The following SLC66A1 variants were observed in gnomAD, a reference collection of about 807,000 sequenced individuals.
SLC66A1 encodes the protein solute carrier family 66 member 1, also known as lysosomal amino acid transporter 1 homolog.
In SLC66A1, 23 loss-of-function variants were observed where a neutral mutation model predicts 33.0. The observed-to-expected ratio is 0.70, with a 90% CI of 0.50 to 0.99. The LOEUF is 0.99. Ranked by LOEUF, SLC66A1 falls within the 50% of genes least tolerant of loss-of-function variation. The pLI is 0.00. For synonymous variants in SLC66A1, 164 were observed against 175.5 expected (o/e 0.93, Z 0.52); for missense variants, 335 against 383.6 (o/e 0.87, Z 1.06).
At chr1:19,332,316 C>T (rs35929013), downstream of SLC66A1, among the ~76,000 whole-genome samples, 32,522 of 152,060 alleles carry the variant, frequency 0.21, 4,064 homozygotes, top group South Asian at 0.33. Flanking sequence ...AGACCAACAA[C>T]ACTGTCTGCC....
At chr1:19,334,283 G>A (rs1044404941), downstream of SLC66A1, among the ~76,000 whole-genome samples, 15 of 152,170 alleles carry the variant, frequency 9.9e-5, no homozygotes, top group African/African-American at 3.6e-4. Flanking sequence ...TCTGGTGGAT[G>A]TAACCAACAA....
At chr1:19,325,620 A>C in intron 4 of SLC66A1, 38 bp downstream of exon 4, 25 of 1,075,014 alleles carry the variant, frequency 2.3e-5, no homozygotes, top group African/African-American at 3.7e-5. Context: ...ATGCTCTACC[A>C]GCAGCAGGGG....
chr1:19,325,002 G>A (rs1165597616), intron 3 of SLC66A1, among the ~76,000 whole-genome samples: 3 of 152,218 alleles, frequency 2.0e-5, no homozygotes, highest in African/African-American at 4.8e-5. Context: ...GGAAGGTTTC[G>A]GGGTCTTCCA....
chr1:19,325,375 C>T (rs903869404), intron 3 of SLC66A1, 120 bp from the exon 4 acceptor site: 56 of 676,554 alleles, frequency 8.3e-5, no homozygotes, highest in East Asian at 2.7e-5. Context: ...GAAACAGAAG[C>T]TCAGAGAGGA....
At chr1:19,319,605 G>T (rs377252812) in intron 2 of SLC66A1, among the ~76,000 whole-genome samples, 97 of 111,810 alleles carry the variant, frequency 8.7e-4, no homozygotes, top group South Asian at 2.9e-3. Context: ...GCACATTCAT[G>T]TTTTTTTTTT....
chr1:19,320,411 TC>T (rs1381131375), intron 2 of SLC66A1, among the ~76,000 whole-genome samples: 8 of 131,922 alleles, frequency 6.1e-5, no homozygotes, highest in African/African-American at 2.3e-4. Context: ...TGGTGGCCTG[TC>T]TTTTTTTTTT....
downstream of SLC66A1, among the ~76,000 whole-genome samples, chr1:19,334,131 A>G (rs1165783834): frequency 6.6e-6 from 1 of 152,170 alleles, no homozygotes; most frequent in Non-Finnish European, 1.5e-5. Flanking sequence ...ACGGTTACTA[A>G]GTACTCCACC....
chr1:19,318,805 AAAATT>A (rs2152001531), intron 2 of SLC66A1, among the ~76,000 whole-genome samples: 1 of 152,038 alleles, frequency 6.6e-6, no homozygotes, highest in African/African-American at 2.4e-5. Flanking sequence ...AAAAAAAATT[AAAATT>A]AAAAACAAAA....
chr1:19,317,798 C>G lies in SLC66A1; in HGVS notation c.121C>G (p.Leu41Val), dbSNP rs1307331023. The G allele has an allele frequency of 2.5e-6, 4 of 1,614,158 alleles. No homozygotes were observed. In the Admixed American group the frequency reaches 6.7e-5, roughly 27 times the overall value. ...CGGCTGGGACGAGGCCAGCGTGGGC[C>G]TGGGCTTGATCTCCATTCTCTGCTT... ...QDGWDEASVG[L>V]GLISILCFAA... Residue 41 changes from leucine to valine, a missense_variant, in exon 2 of 8, where the codon CTG becomes GTG. Physicochemically the swap from Leu to Val is conservative, Grantham distance 32. Transcript: ENST00000375153.
rs139194294 is a variant in SLC66A1, at chr1:19,327,268, C to T, written c.660C>T (p.Phe220=). The T allele has an allele frequency of 1.7e-4, 273 of 1,613,780 alleles. No homozygotes were observed. Among genetic ancestry groups the T allele is most frequent in the Non-Finnish European group, 2.1e-4 (243 of 1,179,914 alleles). The change falls in exon 7 of 8, where the codon TTC becomes TTT. Residue 220 remains phenylalanine (F), a synonymous_variant. Transcript: ENST00000375153. ...KSTQGISYSL[F]ALVMLGNTLY... ...CCCAGGGGATCTCCTACTCTCTGTT[C>T]GCGCTGGTGATGCTGGGGAACACGC...
rs759028494 is a variant in SLC66A1 at position 19,326,566 on chromosome 1, C to G, written c.561C>G (p.Ile187Met). The G allele has an allele frequency of 6.2e-7, 1 of 1,614,120 alleles. No individual in the cohort carries two copies. The highest frequency in any genetic ancestry group is 1.7e-5 in the Admixed American group (1 of 60,010). ...FTRQEVIGFV[I>M]GSISSVLYLL... ...GGCAGGAAGTCATTGGCTTCGTCATCGGCTCCATCTCCAGCGTGTTGTACC... is the reference window on the plus strand; with the variant it reads ...GGCAGGAAGTCATTGGCTTCGTCATGGGCTCCATCTCCAGCGTGTTGTACC... Residue 187 changes from isoleucine (I) to methionine (M), a missense_variant, in exon 6 of 8, where the codon ATC becomes ATG. Ile to Met is a conservative substitution (Grantham distance 10). Coordinates refer to ENST00000375153, the MANE Select transcript of SLC66A1 (RefSeq NM_001040125.2).
chr1:19,325,462 C>A, intron 3 of SLC66A1, 33 bp from the exon 4 acceptor site: 1 of 1,510,140 alleles, frequency 6.6e-7, no homozygotes, highest in Non-Finnish European at 9.2e-7. Context: ...CCTGGGACTG[C>A]GCCAACCCCT....
rs758581408 is a variant in SLC66A1, at chr1:19,326,293, GCGCCACAC to G, written c.435_442del (p.Thr146AlafsTer11). The G allele has an allele frequency of 4.4e-6, 7 of 1,606,936 alleles. No homozygotes were observed. The South Asian group carries it at 6.6e-5, about 15-fold the overall frequency. On this transcript the variant is annotated frameshift_variant, in exon 5 of 8. Transcript: ENST00000375153. LOFTEE classifies it high-confidence loss of function. ...CTGTTGTTCCTCATGGGGATGGCGT[GCGCCACAC>G]CGCTGCTGAGTGCTGCTGGGCCCGT...
chr1:19,317,539 A>G, intron 1 of SLC66A1, 61 bp from the exon 2 acceptor site: 3 of 1,458,832 alleles, frequency 2.1e-6, no homozygotes, highest in Non-Finnish European at 1.8e-6. Flanking sequence ...TTAGTTTGGG[A>G]TGACCATGAA....
intron 2 of SLC66A1, among the ~76,000 whole-genome samples, chr1:19,321,380 G>C (rs1055890244): frequency 6.8e-6 from 1 of 147,364 alleles, no homozygotes; most frequent in East Asian, 2.0e-4. Flanking sequence ...AGGTCTCACT[G>C]TATTGTCCAG....
In SLC66A1 at chr1:19,317,821, C is replaced by T. The variant is rs916575825; in HGVS notation, c.144C>T (p.Cys48=). 1 of 1,613,904 alleles carries T rather than the reference C, an allele frequency of 6.2e-7. No homozygotes were observed. Among genetic ancestry groups the T allele is most frequent in the Non-Finnish European group, 8.5e-7 (1 of 1,179,940 alleles). The change falls in exon 2 of 8, where the codon TGC becomes TGT. Residue 48 remains cysteine, a synonymous_variant. Transcript: ENST00000375153. ...SVGLGLISIL[C]FAASTFPQFI... is the part of the protein sequence containing the mutation. ...GCCTGGGCTTGATCTCCATTCTCTGCTTTGCTGCATCTACCTTCCCGTGAG... is the reference window on the plus strand; with the variant it reads ...GCCTGGGCTTGATCTCCATTCTCTGTTTTGCTGCATCTACCTTCCCGTGAG...
chr1:19,331,301 C>T (rs528479602), downstream of SLC66A1, among the ~76,000 whole-genome samples: 24 of 152,286 alleles, frequency 1.6e-4, 1 homozygote, highest in South Asian at 4.1e-3. Context: ...TGTGCCACCG[C>T]GCCCGGCCAA....
intron 2 of SLC66A1, among the ~76,000 whole-genome samples, chr1:19,320,565 CA>C (rs1326028480): frequency 2.0e-5 from 3 of 151,814 alleles, no homozygotes; most frequent in East Asian, 1.9e-4. Flanking sequence ...AGGCACCTGC[CA>C]CCACGCCTGG....
chr1:19,331,465 T>A (rs2093892368), downstream of SLC66A1, among the ~76,000 whole-genome samples: 1 of 152,120 alleles, frequency 6.6e-6, no homozygotes, highest in Non-Finnish European at 1.5e-5. Flanking sequence ...GTCCCCTTCC[T>A]CCATCCTTGC....
Sources: gnomAD v4.1 joint callset for allele counts (sites outside exome capture counted in the v4.1 genomes callset) on GRCh38, gnomAD v4.1.1 for gene constraint, MANE v1.5 for transcripts, NCBI Gene and HGNC (gene_info 2026-07-23, HGNC 2026-07-21) for gene names.